Variants in MEIS1 observed in about 807,000 individuals in gnomAD.
MEIS1 encodes the protein Meis homeobox 1.
A neutral mutation model predicts 50.8 loss-of-function variants in MEIS1; 5 were observed. The observed-to-expected ratio is 0.10, with a 90% CI of 0.05 to 0.21. The LOEUF (loss-of-function observed/expected upper bound fraction) is 0.21, where lower values mean the gene tolerates loss of function less well. MEIS1 is among the 10% of genes least tolerant of loss of function. The probability of loss-of-function intolerance (pLI) is 1.00; values close to 1 mark genes in which losing one functional copy is unlikely to be tolerated. For synonymous variants in MEIS1, 176 were observed against 179.3 expected (o/e 0.98, Z 0.15); for missense variants, 318 against 517.3 (o/e 0.61, Z 3.74).
chr2:66,528,035 T>C (rs1177572216), intron 8 of MEIS1, among the ~76,000 whole-genome samples: 3 of 152,132 alleles, frequency 2.0e-5, no homozygotes, highest in African/African-American at 7.2e-5. Flanking sequence ...AGAAGACAGC[T>C]ATAACAGTTT....
intron 7 of MEIS1, among the ~76,000 whole-genome samples, chr2:66,475,421 G>A (rs957350932): frequency 1.3e-4 from 19 of 150,420 alleles, no homozygotes; most frequent in African/African-American, 4.1e-4. Flanking sequence ...ATTAATAAAA[G>A]TTTATAGTAT....
chr2:66,530,756 C>T (rs998686749), intron 8 of MEIS1, among the ~76,000 whole-genome samples: 6 of 152,168 alleles, frequency 3.9e-5, no homozygotes, highest in Non-Finnish European at 8.8e-5. Context: ...TTCATTGAGC[C>T]CCAGTCTGAG....
intron 7 of MEIS1, among the ~76,000 whole-genome samples, chr2:66,470,286 A>G (rs1357167303): frequency 2.0e-5 from 3 of 152,228 alleles, no homozygotes; most frequent in African/African-American, 4.8e-5. Flanking sequence ...TGGCCTTTGC[A>G]TGCAGTGGCA....
At chr2:66,552,891 G>C (rs1376073278) in intron 9 of MEIS1, among the ~76,000 whole-genome samples, 7 of 152,076 alleles carry the variant, frequency 4.6e-5, no homozygotes. Flanking sequence ...AAAATCAATA[G>C]GGGTCATAGG....
intron 6 of MEIS1, among the ~76,000 whole-genome samples, chr2:66,446,377 T>A (rs1558521998): frequency 6.6e-6 from 1 of 151,984 alleles, no homozygotes; most frequent in East Asian, 1.9e-4. Flanking sequence ...CATTTTCCAC[T>A]CCAAGAACGC....
chr2:66,466,722 C>T (rs1027526914), intron 7 of MEIS1, among the ~76,000 whole-genome samples: 8 of 152,290 alleles, frequency 5.3e-5, no homozygotes, highest in East Asian at 3.9e-4. Context: ...GGGTAAATAA[C>T]AGCCCTCTTC....
intron 8 of MEIS1, among the ~76,000 whole-genome samples, chr2:66,543,193 T>C (rs1674698115): frequency 6.6e-6 from 1 of 152,170 alleles, no homozygotes. Flanking sequence ...TAAGCTATTT[T>C]TAGATTTTTC....
chr2:66,484,550 CTTTCT>C (rs1371275981), intron 7 of MEIS1, among the ~76,000 whole-genome samples: 1 of 151,882 alleles, frequency 6.6e-6, no homozygotes, highest in African/African-American at 2.4e-5. Flanking sequence ...TTCTTTCTTT[CTTTCT>C]TTTATTTATT....
chr2:66,516,629 C>A (rs1005922177), intron 8 of MEIS1, among the ~76,000 whole-genome samples: 2 of 150,808 alleles, frequency 1.3e-5, no homozygotes, highest in African/African-American at 4.9e-5. Context: ...GTCTTGATTT[C>A]TGATTTATAA....
At chr2:66,464,905 G>A (rs375416415) in intron 7 of MEIS1, among the ~76,000 whole-genome samples, 10 of 152,296 alleles carry the variant, frequency 6.6e-5, no homozygotes, top group African/African-American at 1.7e-4. Context: ...GCAAAAGGGC[G>A]AATTGAGTAT....
intron 8 of MEIS1, among the ~76,000 whole-genome samples, chr2:66,542,270 A>T (rs1162967552): frequency 6.6e-6 from 1 of 152,156 alleles, no homozygotes; most frequent in Non-Finnish European, 1.5e-5. Context: ...ATAGTTAAAA[A>T]CCATATGGTA....
At chr2:66,521,630 A>G (rs892232962) in intron 8 of MEIS1, among the ~76,000 whole-genome samples, 1 of 152,226 alleles carries the variant, frequency 6.6e-6, no homozygotes, top group African/African-American at 2.4e-5. Context: ...ATGTTTCCAT[A>G]AACAGTGGTA....
intron 7 of MEIS1, among the ~76,000 whole-genome samples, chr2:66,495,080 CTTTTTTTTTT>C (rs70943701): frequency 1.1e-5 from 1 of 91,492 alleles, no homozygotes; most frequent in Non-Finnish European, 2.1e-5. Context: ...CTCTTCTGAC[CTTTTTTTTTT>C]TTTTTTTTTT....
At position 66,497,567 on chromosome 2, in the gene MEIS1, C is replaced by A. The variant is rs576763450; in HGVS notation, c.743-14582C>A. Among the ~76,000 whole-genome samples, 6 of 152,034 alleles carry A rather than the reference C, an allele frequency of 3.9e-5. No individual in the cohort carries two copies. The East Asian group carries it at 1.2e-3, about 29-fold the overall frequency. On this transcript the variant is annotated intron_variant, in intron 7 of 12. Transcript: ENST00000272369. ...CTTTCTTAAATGATATAACTTTTTTCCTTATCAGTAAAACAAAAATCTTTG... is the reference window on the plus strand; with the variant it reads ...CTTTCTTAAATGATATAACTTTTTTACTTATCAGTAAAACAAAAATCTTTG...
intron 8 of MEIS1, among the ~76,000 whole-genome samples, chr2:66,547,529 G>GCTGA (rs1209936830): frequency 6.6e-6 from 1 of 152,158 alleles, no homozygotes; most frequent in African/African-American, 2.4e-5. Context: ...GTGGACCTCA[G>GCTGA]CTGAGATTGT....
intron 8 of MEIS1, among the ~76,000 whole-genome samples, chr2:66,519,671 G>T (rs1272726498): frequency 6.6e-6 from 1 of 152,106 alleles, no homozygotes; most frequent in Non-Finnish European, 1.5e-5. Context: ...CAGTGAGCAC[G>T]GGTCCCAAGA....
At chr2:66,504,622 T>G (rs1403305139) in intron 7 of MEIS1, among the ~76,000 whole-genome samples, 1 of 152,176 alleles carries the variant, frequency 6.6e-6, no homozygotes, top group African/African-American at 2.4e-5. Context: ...GAGCCAACTT[T>G]AGGAAGCTTA....
intron 9 of MEIS1, among the ~76,000 whole-genome samples, chr2:66,551,656 T>A (rs2103939041): frequency 1.3e-5 from 2 of 152,044 alleles, no homozygotes; most frequent in African/African-American, 4.8e-5. Flanking sequence ...TTGATGTGAC[T>A]GCATATTTTT....
At chr2:66,524,891 A>C (rs1250131352) in intron 8 of MEIS1, among the ~76,000 whole-genome samples, 1 of 152,174 alleles carries the variant, frequency 6.6e-6, no homozygotes. Context: ...TACAGAATTG[A>C]AAATTCTTTT....
Sources: allele counts gnomAD v4.1 joint callset (sites outside exome capture counted in the v4.1 genomes callset), GRCh38; gene constraint gnomAD v4.1.1; transcripts MANE v1.5; gene names NCBI Gene and HGNC (gene_info 2026-07-23, HGNC 2026-07-21).